MAGI1: variants seen among roughly 807,000 people sequenced by gnomAD.
The protein encoded by MAGI1 is membrane associated guanylate kinase, WW and PDZ domain containing 1, also known as membrane-associated guanylate kinase, WW and PDZ domain-containing protein 1.
A neutral mutation model predicts 139.9 loss-of-function variants in MAGI1; 58 were observed. The observed-to-expected ratio is 0.41, with a 90% confidence interval of 0.34 to 0.52. The LOEUF (loss-of-function observed/expected upper bound fraction) is 0.52, where lower values mean the gene tolerates loss of function less well. Ranked by LOEUF, MAGI1 falls within the 20% of genes least tolerant of loss-of-function variation. The pLI, the probability that MAGI1 is intolerant of heterozygous loss-of-function variation, is 0.12. For missense variants in MAGI1, 1,874 were observed against 1,901.6 expected, an observed-to-expected ratio of 0.99 and a Z score of 0.27; for synonymous variants, 812 against 737.9, an observed-to-expected ratio of 1.10 and a Z score of -1.63.
chr3:65,631,638 T>C (rs1279746084), intron 1 of MAGI1, among the ~76,000 whole-genome samples: 1 of 152,198 alleles, frequency 6.6e-6, no homozygotes, highest in Non-Finnish European at 1.5e-5. Context: ...AAGATCATAT[T>C]AGCTTTCCTT....
chr3:65,976,720 G>C (rs17074209), intron 1 of MAGI1, among the ~76,000 whole-genome samples: 2 of 152,070 alleles, frequency 1.3e-5, no homozygotes, highest in East Asian at 1.9e-4. Context: ...TTACCCTCAC[G>C]TTTGACTTTG....
At chr3:65,572,005 C>A (rs1490306036) in intron 2 of MAGI1, among the ~76,000 whole-genome samples, 1 of 151,456 alleles carries the variant, frequency 6.6e-6, no homozygotes. Context: ...CATATATGCA[C>A]AAATTAGAAA....
intron 18 of MAGI1, among the ~76,000 whole-genome samples, chr3:65,368,319 C>T (rs1249016134): frequency 2.0e-5 from 3 of 152,172 alleles, no homozygotes; most frequent in African/African-American, 2.4e-5. Flanking sequence ...TACCCAACAT[C>T]CTTTATTAAA....
At chr3:65,898,831 T>A (rs1390959302) in intron 1 of MAGI1, among the ~76,000 whole-genome samples, 1 of 152,210 alleles carries the variant, frequency 6.6e-6, no homozygotes, top group Non-Finnish European at 1.5e-5. Flanking sequence ...ATACATTATA[T>A]GTTTTCAAAA....
chr3:65,357,085 G>C lies in MAGI1; in HGVS notation c.3682C>G (p.Pro1228Ala). ...HGPATGPQGVPEVRAGPDRRQ... is the reference protein window; with the variant it reads ...HGPATGPQGVAEVRAGPDRRQ... ...CGGTCGGGCCCGGCCCTCACTTCCG[G>C]AACACCTTGTGGACCGGTGGCGGGG... The change falls in exon 23 of 23, where the codon CCG becomes GCG. Residue 1228 changes from proline to alanine, a missense_variant. Physicochemically the swap from Pro to Ala is conservative, Grantham distance 27. Around this residue, in one of 5 missense-constraint regions of MAGI1, gnomAD observed 653 missense variants for 644.5 expected, o/e 1.01. Transcript: ENST00000402939. 6.2e-7 allele frequency: 1 copy of C among 1,614,080 alleles called. No homozygotes were observed. The highest frequency in any genetic ancestry group is 1.7e-5 in the Admixed American group (1 of 60,026).
At chr3:65,517,889 G>C (rs1449408204) in intron 2 of MAGI1, among the ~76,000 whole-genome samples, 1 of 152,156 alleles carries the variant, frequency 6.6e-6, no homozygotes, top group Non-Finnish European at 1.5e-5. Flanking sequence ...CCCCATAACA[G>C]AGTCCCTCTG....
chr3:65,453,144 T>C (rs912774930), intron 6 of MAGI1, 114 bp downstream of exon 6: 5 of 858,186 alleles, frequency 5.8e-6, no homozygotes, highest in Non-Finnish European at 9.7e-6. Context: ...GAAATTGGAT[T>C]ACCTTTTAAA....
At chr3:65,429,291 A>C (rs1947304613) in intron 12 of MAGI1, among the ~76,000 whole-genome samples, 1 of 152,156 alleles carries the variant, frequency 6.6e-6, no homozygotes, top group South Asian at 2.1e-4. Flanking sequence ...CATTTTAAAA[A>C]GGCAAAATCT....
At chr3:65,493,064 CG>C (rs1451445173) in intron 3 of MAGI1, among the ~76,000 whole-genome samples, 1 of 130,018 alleles carries the variant, frequency 7.7e-6, no homozygotes, top group East Asian at 2.3e-4. Flanking sequence ...GGCGACAGAG[CG>C]AGACTCCGTC....
intron 1 of MAGI1, among the ~76,000 whole-genome samples, chr3:65,673,701 A>G (rs2087002953): frequency 6.6e-6 from 1 of 152,214 alleles, no homozygotes; most frequent in Non-Finnish European, 1.5e-5. Context: ...ATCTTCAGAC[A>G]CAAACACCTC....
intron 1 of MAGI1, among the ~76,000 whole-genome samples, chr3:66,024,813 A>G (rs1271943658): frequency 6.6e-6 from 1 of 152,044 alleles, no homozygotes; most frequent in African/African-American, 2.4e-5. Context: ...TTTCCAAAAC[A>G]AACAAACAAA....
chr3:65,688,649 G>A (rs1161444157), intron 1 of MAGI1, among the ~76,000 whole-genome samples: 2 of 152,116 alleles, frequency 1.3e-5, no homozygotes, highest in Admixed American at 6.5e-5. Flanking sequence ...TGGCTTAGCA[G>A]CCAATATCAA....
intron 1 of MAGI1, among the ~76,000 whole-genome samples, chr3:65,882,110 A>G (rs907767250): frequency 2.6e-5 from 4 of 152,234 alleles, no homozygotes; most frequent in Non-Finnish European, 5.9e-5. Context: ...TCTTTCTGTA[A>G]ATTCATAAGC....
intron 1 of MAGI1, among the ~76,000 whole-genome samples, chr3:66,016,766 A>T (rs532415620): frequency 3.0e-4 from 45 of 152,340 alleles, no homozygotes; most frequent in African/African-American, 1.0e-3. Context: ...TCAACAGATG[A>T]AGGGTGAGCA....
Position 65,778,430 on chromosome 3 carries a change from C to CAAAAA in MAGI1, c.314-156347_314-156343dup, listed in dbSNP as rs35399058. ...GGGCAACAAGAGTGAAACTCTGTCT[C>CAAAAA]AAAAAAAAAAAAAATAAATAAATAA... is the stretch of plus-strand genomic sequence containing the variant. On this transcript the variant is annotated intron_variant, in intron 1 of 22. Coordinates refer to ENST00000402939, the MANE Select transcript of MAGI1 (RefSeq NM_001033057.2). Among the ~76,000 whole-genome samples the CAAAAA allele has an allele frequency of 1.2e-3, 100 of 83,846 alleles. 2 individuals are homozygous for CAAAAA. Among genetic ancestry groups the CAAAAA allele is most frequent in the African/African-American group, 4.0e-3 (83 of 20,502 alleles). The allele number at this position is 83,846 out of a possible 152,430, so 55.0% of individuals were successfully genotyped here. A position where few individuals can be genotyped will look rare whatever the true frequency, so the allele number is the denominator to read the frequency against.
intron 2 of MAGI1, among the ~76,000 whole-genome samples, chr3:65,540,561 T>C (rs1013875692): frequency 2.6e-5 from 4 of 152,290 alleles, no homozygotes; most frequent in Middle Eastern, 3.4e-3. Flanking sequence ...TGGGTTGTAT[T>C]TTATTAAAAG....
intron 1 of MAGI1, among the ~76,000 whole-genome samples, chr3:65,800,322 T>C (rs1264693512): frequency 1.3e-5 from 2 of 152,208 alleles, no homozygotes; most frequent in Admixed American, 1.3e-4. Flanking sequence ...AAGCAAAGTT[T>C]TAGGGGTGGC....
intron 1 of MAGI1, among the ~76,000 whole-genome samples, chr3:65,696,731 C>T (rs932990620): frequency 2.6e-5 from 4 of 152,066 alleles, no homozygotes; most frequent in Non-Finnish European, 2.9e-5. Flanking sequence ...TAATGTATCA[C>T]ACCACAGCAT....
intron 1 of MAGI1, among the ~76,000 whole-genome samples, chr3:65,629,561 C>CAA (rs57784561): frequency 0.42 from 60,278 of 142,698 alleles, 13,311 homozygotes; most frequent in East Asian, 0.93. Context: ...GCTATTACAG[C>CAA]AAAAAAAAAA....
Sources: allele counts gnomAD v4.1 joint callset (sites outside exome capture counted in the v4.1 genomes callset), GRCh38; gene constraint gnomAD v4.1.1; regional missense constraint gnomAD v4.1.1; transcripts MANE v1.5; gene names NCBI Gene and HGNC (gene_info 2026-07-23, HGNC 2026-07-21).